The following DLG2 variants were observed in gnomAD, a reference collection of about 807,000 sequenced individuals.
DLG2 encodes disks large homolog 2.
Under a neutral mutation model 132.5 loss-of-function variants are expected in DLG2, and 45 were observed. The observed-to-expected ratio is 0.34, with a 90% CI of 0.27 to 0.44. DLG2 has a LOEUF of 0.44. Ranked by LOEUF, DLG2 falls within the 20% of genes least tolerant of loss-of-function variation. The pLI, the probability that DLG2 is intolerant of heterozygous loss-of-function variation, is 1.00. For missense variants in DLG2, 1,045 were observed against 1,196.9 expected, an observed-to-expected ratio of 0.87 and a Z score of 1.87; for synonymous variants, 424 against 419.6, an observed-to-expected ratio of 1.01 and a Z score of -0.13.
At chr11:84,527,427 T>C (rs2099324691) in intron 7 of DLG2, among the ~76,000 whole-genome samples, 1 of 152,182 alleles carries the variant, frequency 6.6e-6, no homozygotes, top group Non-Finnish European at 1.5e-5. Context: ...TCCTATAATT[T>C]CTCAAATGTG....
chr11:83,953,338 C>T (rs2085957027), intron 14 of DLG2, among the ~76,000 whole-genome samples: 1 of 152,210 alleles, frequency 6.6e-6, no homozygotes, highest in African/African-American at 2.4e-5. Context: ...ACTGCCTGAG[C>T]TTCCCTTCCT....
chr11:84,992,985 T>C (rs2057291991), intron 6 of DLG2, among the ~76,000 whole-genome samples: 1 of 152,200 alleles, frequency 6.6e-6, no homozygotes, highest in Non-Finnish European at 1.5e-5. Context: ...CATATATTTA[T>C]TGCAGCACTA....
intron 11 of DLG2, among the ~76,000 whole-genome samples, chr11:84,040,441 C>T: frequency 6.6e-6 from 1 of 150,728 alleles, no homozygotes. Context: ...CTACATATGG[C>T]TAGCCAGTTT....
At chr11:84,509,017 G>T (rs1052514256) in intron 7 of DLG2, among the ~76,000 whole-genome samples, 3 of 152,180 alleles carry the variant, frequency 2.0e-5, no homozygotes, top group African/African-American at 7.2e-5. Context: ...ATAGCTGAGC[G>T]CAAACACAAG....
intron 8 of DLG2, among the ~76,000 whole-genome samples, chr11:84,165,385 A>G (rs2095638612): frequency 1.3e-5 from 2 of 152,222 alleles, no homozygotes; most frequent in African/African-American, 4.8e-5. Context: ...CTAGGATCCT[A>G]AATGCTGACT....
intron 8 of DLG2, among the ~76,000 whole-genome samples, chr11:84,193,185 G>A (rs1035360232): frequency 3.0e-4 from 45 of 152,144 alleles, no homozygotes; most frequent in Non-Finnish European, 1.0e-4. Flanking sequence ...AATAATAAAT[G>A]AGGACTACAT....
intron 6 of DLG2, among the ~76,000 whole-genome samples, chr11:84,541,633 T>A (rs1355760271): frequency 6.6e-6 from 1 of 152,156 alleles, no homozygotes; most frequent in Non-Finnish European, 1.5e-5. Context: ...AGAGTCATGT[T>A]CATCTCTGAA....
intron 11 of DLG2, among the ~76,000 whole-genome samples, chr11:84,058,504 T>TAATAATA (rs372631929): frequency 8.1e-6 from 1 of 122,982 alleles, no homozygotes; most frequent in Non-Finnish European, 1.6e-5. Context: ...AAAAAACAAA[T>TAATAATA]ACAATAATAA....
At chr11:83,886,476 T>C (rs2067931619) in intron 15 of DLG2, among the ~76,000 whole-genome samples, 1 of 152,154 alleles carries the variant, frequency 6.6e-6, no homozygotes, top group African/African-American at 2.4e-5. Context: ...CAAAAAGACT[T>C]AGACTCCCAC....
chr11:84,502,134 C>CTT (rs1567801749), intron 7 of DLG2, among the ~76,000 whole-genome samples: 1,137 of 75,204 alleles, frequency 0.015, 91 homozygotes, highest in South Asian at 0.028. Context: ...TTCTCTCTTT[C>CTT]TCCTTTCTTT....
At chr11:85,485,542 G>C (rs1005120718) in intron 3 of DLG2, among the ~76,000 whole-genome samples, 3 of 152,154 alleles carry the variant, frequency 2.0e-5, no homozygotes, top group Non-Finnish European at 2.9e-5. Context: ...ATTCAACAAA[G>C]AAGTGATGAG....
chr11:85,526,501 GCAGAACCACAC>G (rs1414877203), intron 3 of DLG2, among the ~76,000 whole-genome samples: 1 of 152,066 alleles, frequency 6.6e-6, no homozygotes, highest in Non-Finnish European at 1.5e-5. Context: ...TTCATTAACT[GCAGAACCACAC>G]AATAAGAAAT....
intron 17 of DLG2, chr11:83,791,049 T>A (rs1006682532): frequency 1.4e-6 from 1 of 720,340 alleles, no homozygotes; most frequent in African/African-American, 1.8e-5. Flanking sequence ...AGACTGAAGG[T>A]CGTGGAAATC....
chr11:84,831,801 AT>A (rs930737263), intron 6 of DLG2, among the ~76,000 whole-genome samples: 6 of 151,644 alleles, frequency 4.0e-5, no homozygotes, highest in African/African-American at 1.2e-4. Context: ...AAGTTTAACT[AT>A]TTTAAAATAA....
intron 6 of DLG2, among the ~76,000 whole-genome samples, chr11:84,610,046 T>G (rs1262974845): frequency 6.6e-6 from 1 of 152,100 alleles, no homozygotes; most frequent in East Asian, 1.9e-4. Context: ...AAGATACATA[T>G]GTAGGGATAA....
At chr11:85,212,171 G>A (rs1051339762) in intron 4 of DLG2, among the ~76,000 whole-genome samples, 7 of 151,830 alleles carry the variant, frequency 4.6e-5, no homozygotes, top group South Asian at 2.1e-4. Context: ...AGTACACCTC[G>A]ACCCCACTAG....
intron 6 of DLG2, among the ~76,000 whole-genome samples, chr11:85,105,994 G>A (rs78562445): frequency 2.3e-4 from 34 of 145,408 alleles, no homozygotes; most frequent in Non-Finnish European, 3.0e-4. Context: ...ACCAAAAAAA[G>A]AAAAAAAAAA....
chr11:84,823,958 T>C (rs1289426496), intron 6 of DLG2, among the ~76,000 whole-genome samples: 1 of 151,920 alleles, frequency 6.6e-6, no homozygotes, highest in African/African-American at 2.4e-5. Context: ...GTGATTACTA[T>C]GTTCTAGGCA....
intron 6 of DLG2, among the ~76,000 whole-genome samples, chr11:84,551,988 G>T (rs978512723): frequency 6.6e-6 from 1 of 152,104 alleles, no homozygotes; most frequent in Non-Finnish European, 1.5e-5. Flanking sequence ...TAAATTGCCA[G>T]AACATGACTC....
Sources: gnomAD v4.1 joint callset for allele counts (sites outside exome capture counted in the v4.1 genomes callset) on GRCh38, gnomAD v4.1.1 for gene constraint, MANE v1.5 for transcripts, NCBI Gene and HGNC (gene_info 2026-07-23, HGNC 2026-07-21) for gene names.